MYCBP2: variants seen among roughly 807,000 people sequenced by gnomAD.
MYCBP2 encodes MYC binding protein 2.
MYCBP2 carries 120 observed loss-of-function variants against 525.3 expected under a neutral mutation model. That is an observed-to-expected ratio of 0.23 (90% CI 0.20 to 0.27). The LOEUF (loss-of-function observed/expected upper bound fraction) is 0.27, where lower values mean the gene tolerates loss of function less well. Ranked by LOEUF, MYCBP2 falls within the 10% of genes least tolerant of loss-of-function variation. MYCBP2 has a pLI of 1.00. For synonymous variants in MYCBP2, 1,894 were observed against 1,955.8 expected (o/e 0.97, Z 0.83); for missense variants, 4,149 against 5,657.1 (o/e 0.73, Z 8.55).
intron 52 of MYCBP2, among the ~76,000 whole-genome samples, chr13:77,135,839 T>C (rs951255385): frequency 1.3e-5 from 2 of 152,030 alleles, no homozygotes; most frequent in African/African-American, 4.8e-5. Context: ...TTATCTTTTT[T>C]TTCTTTTTTT....
intron 4 of MYCBP2, among the ~76,000 whole-genome samples, chr13:77,276,371 G>A (rs1294502669): frequency 6.6e-6 from 1 of 151,910 alleles, no homozygotes; most frequent in Non-Finnish European, 1.5e-5. Context: ...CAATAAGATT[G>A]TGATATTAGA....
rs1450679596 is a variant in MYCBP2 at position 77,097,283 on chromosome 13, G to A, written c.9784+87C>T. ...AGATACTATAAATTCCCTATCCTTT[G>A]ACAAAATTCATAGAACAGCTCAAAT... On this transcript the variant is annotated intron_variant, in intron 56 of 82. Transcript: ENST00000544440. 6.0e-6 allele frequency: 9 copies of A among 1,504,186 alleles called. No individual in the cohort carries two copies. The African/African-American group carries it at 9.8e-5, about 16-fold the overall frequency. The allele number at this position is 1,504,186 out of a possible 1,614,324, so 93.2% of individuals were successfully genotyped here. A position where few individuals can be genotyped will look rare whatever the true frequency, so the allele number is the denominator to read the frequency against.
intron 68 of MYCBP2, among the ~76,000 whole-genome samples, chr13:77,073,154 G>GT (rs944520501): frequency 3.2e-4 from 47 of 148,124 alleles, no homozygotes; most frequent in Non-Finnish European, 4.7e-4. Context: ...CCATCCCCTA[G>GT]TTTTTTTTTT....
chr13:77,261,451 G>A (rs2073263541), intron 11 of MYCBP2, 76 bp from the exon 12 acceptor site: 12 of 1,015,974 alleles, frequency 1.2e-5, no homozygotes, highest in East Asian at 8.0e-5. Flanking sequence ...GGAAAAAAAA[G>A]GACATCAATA....
chr13:77,093,442 G>A (rs370187475), intron 58 of MYCBP2, 110 bp from the exon 59 acceptor site: 1 of 908,116 alleles, frequency 1.1e-6, no homozygotes, highest in South Asian at 1.9e-5. Context: ...ATAGTTAAAG[G>A]CAAAGCATTA....
Position 77,260,560 on chromosome 13 carries a change from G to A in MYCBP2, c.1885C>T (p.Pro629Ser), listed in dbSNP as rs2073086999. The A allele has an allele frequency of 2.5e-6, 4 of 1,606,938 alleles. No homozygotes were observed. The highest frequency in any genetic ancestry group is 3.4e-5 in the Admixed American group (2 of 58,892). Reference protein sequence around the residue: ...KSRRQSKPYKPKKIIKMEGKI... With the variant: ...KSRRQSKPYKSKKIIKMEGKI... The stretch of plus-strand genomic sequence containing the variant: ...CCTTCCATCTTAATTATCTTTTTAG[G>A]TTTATAAGGTTTGGATTGCCGTCTG... The change falls in exon 13 of 83, where the codon CCT becomes TCT. Residue 629 changes from proline (P) to serine (S), a missense_variant. Transcript: ENST00000544440.
chr13:77,104,481 G>C (rs945199165), intron 55 of MYCBP2, among the ~76,000 whole-genome samples: 16 of 152,128 alleles, frequency 1.1e-4, no homozygotes, highest in Admixed American at 1.3e-4. Flanking sequence ...AGAAACTTGG[G>C]AGTCATATGC....
intron 14 of MYCBP2, among the ~76,000 whole-genome samples, chr13:77,255,340 T>A (rs558511344): frequency 1.3e-4 from 20 of 152,080 alleles, no homozygotes; most frequent in African/African-American, 4.8e-4. Context: ...TTCTAATTCA[T>A]TACTTACCAG....
intron 4 of MYCBP2, among the ~76,000 whole-genome samples, chr13:77,277,382 T>C (rs2075745312): frequency 6.6e-6 from 1 of 152,192 alleles, no homozygotes; most frequent in Non-Finnish European, 1.5e-5. Context: ...ACAGCTTCTA[T>C]TTGGTAATAG....
intron 36 of MYCBP2, among the ~76,000 whole-genome samples, chr13:77,175,962 A>T (rs184933305): frequency 1.1e-4 from 16 of 151,658 alleles, no homozygotes; most frequent in African/African-American, 2.7e-4. Flanking sequence ...ATCTAAAAAA[A>T]AATAATAATA....
At chr13:77,144,423 C>T (rs776243015) in intron 49 of MYCBP2, 22 bp downstream of exon 49, 31 of 1,508,358 alleles carry the variant, frequency 2.1e-5, no homozygotes, top group Admixed American at 1.5e-4. Context: ...TAAGTAGTAG[C>T]TCATGGCTTT....
At chr13:77,086,759 C>T (rs527559599) in intron 62 of MYCBP2, among the ~76,000 whole-genome samples, 15 of 151,996 alleles carry the variant, frequency 9.9e-5, no homozygotes, top group East Asian at 7.7e-4. Flanking sequence ...TTAATTTTTA[C>T]GTATTTTCTT....
chr13:77,266,746 GAAAAAAA>G (rs56408804), intron 8 of MYCBP2, among the ~76,000 whole-genome samples: 1,668 of 89,432 alleles, frequency 0.019, 41 homozygotes, highest in African/African-American at 0.07. Flanking sequence ...GACTTGTAAT[GAAAAAAA>G]AAAAAAAAAA....
At chr13:77,316,728 T>A (rs1389542237) in intron 1 of MYCBP2, among the ~76,000 whole-genome samples, 1 of 152,144 alleles carries the variant, frequency 6.6e-6, no homozygotes, top group East Asian at 1.9e-4. Context: ...ATTCCTTTAA[T>A]CTATGGCTAG....
chr13:77,081,635 A>G lies in MYCBP2; in HGVS notation c.11210T>C (p.Met3737Thr). The G allele has an allele frequency of 6.2e-7, 1 of 1,609,468 alleles. No individual in the cohort carries two copies. Among genetic ancestry groups the G allele is most frequent in the Non-Finnish European group, 8.5e-7 (1 of 1,178,076 alleles). ...EAMSQELCIV[M>T]CLKDLTSIVD... ...AATGCTGGTTAAGTCCTTTAAGCAC[A>G]TTACTATGCATAATTCCTATCAGAA... Residue 3737 changes from methionine (M) to threonine (T), a missense_variant, in exon 65 of 83, where the codon ATG becomes ACG. Physicochemically the swap from Met to Thr is moderately conservative, Grantham distance 81. Transcript: ENST00000544440. This position sits in a 1 kb window ranked among gnomAD's most constrained non-coding sequence, Gnocchi z 4.6.
intron 20 of MYCBP2, 54 bp downstream of exon 20, chr13:77,224,397 A>G: frequency 9.0e-7 from 1 of 1,112,226 alleles, no homozygotes; most frequent in East Asian, 2.4e-5. Flanking sequence ...AAGAAGGAAA[A>G]GAAAACAGAA....
Position 77,126,340 on chromosome 13 carries a change from T to C in MYCBP2, c.7862A>G (p.Asn2621Ser). ...TACCTCTCCCACTGCTTTGACTTTG[T>C]TTCCCAGAACTAACATTCCAATTGG... Reference protein sequence around the residue: ...GIPIGMLVLGNKVKAVGEVTN... With the variant: ...GIPIGMLVLGSKVKAVGEVTN... The change falls in exon 53 of 83, where the codon AAC becomes AGC. Residue 2621 changes from asparagine (N) to serine (S), a missense_variant. Coordinates refer to ENST00000544440, the MANE Select transcript of MYCBP2 (RefSeq NM_015057.5). 1 of 1,613,818 alleles carries C rather than the reference T, an allele frequency of 6.2e-7. No individual in the cohort carries two copies. The highest frequency in any genetic ancestry group is 8.5e-7 in the Non-Finnish European group (1 of 1,179,776).
chr13:77,053,414 A>C (rs2037241022), intron 80 of MYCBP2, among the ~76,000 whole-genome samples: 1 of 152,224 alleles, frequency 6.6e-6, no homozygotes, highest in Non-Finnish European at 1.5e-5. Context: ...GGGAATAAAC[A>C]AACTGAGTCA....
chr13:77,100,047 A>C (rs1321882475), intron 55 of MYCBP2: 2 of 152,112 alleles, frequency 1.3e-5, no homozygotes, highest in East Asian at 3.9e-4. Flanking sequence ...TTAGGAGAAA[A>C]GCAATCTGAC....
Sources: gnomAD v4.1 joint callset for allele counts (sites outside exome capture counted in the v4.1 genomes callset) on GRCh38, gnomAD v4.1.1 for gene constraint, Gnocchi (gnomAD v3.1) non-coding constraint, MANE v1.5 for transcripts, NCBI Gene and HGNC (gene_info 2026-07-23, HGNC 2026-07-21) for gene names.